Variants in SUGCT observed in about 807,000 individuals in gnomAD.
The protein encoded by SUGCT is succinyl-CoA:glutarate CoA-transferase.
Under a neutral mutation model 55.0 loss-of-function variants are expected in SUGCT, and 41 were observed. The ratio of observed to expected loss-of-function variants is 0.74; its 90% CI spans 0.58 to 0.97. SUGCT has a LOEUF of 0.97. Among genes scored for constraint, SUGCT ranks in the 50% least tolerant of loss-of-function variants. The probability of loss-of-function intolerance (pLI) is 0.00; values close to 1 mark genes in which losing one functional copy is unlikely to be tolerated. For synonymous variants in SUGCT, 187 were observed against 200.4 expected (o/e 0.93, Z 0.56); for missense variants, 568 against 547.8 (o/e 1.04, Z -0.37).
chr7:40,563,388 G>C lies in SUGCT; in HGVS notation c.1089+67002G>C, dbSNP rs113025969. Among the ~76,000 whole-genome samples, 1,479 of 152,238 alleles carry C rather than the reference G, an allele frequency of 9.7e-3. 30 individuals are homozygous for C. The highest frequency in any genetic ancestry group is 0.033 in the African/African-American group (1,371 of 41,550). On this transcript the variant is annotated intron_variant, in intron 12 of 13. Transcript: ENST00000335693. ...TCTTCGGTATTTGGTTTACGTGGTT[G>C]CCTTCTAGGAAATGCTAAAGAAAAG...
chr7:40,462,279 G>C (rs990926644), intron 11 of SUGCT, among the ~76,000 whole-genome samples: 4 of 152,098 alleles, frequency 2.6e-5, no homozygotes, highest in Non-Finnish European at 5.9e-5. Context: ...TGAATTCCAG[G>C]CAGAGTTTAT....
intron 12 of SUGCT, among the ~76,000 whole-genome samples, chr7:40,600,611 C>T (rs978354154): frequency 9.2e-5 from 14 of 152,054 alleles, no homozygotes; most frequent in African/African-American, 3.4e-4. Flanking sequence ...AAAATTGAAG[C>T]CTCAAATACC....
intron 12 of SUGCT, among the ~76,000 whole-genome samples, chr7:40,637,368 A>G (rs1035368196): frequency 1.3e-5 from 2 of 152,204 alleles, no homozygotes; most frequent in African/African-American, 4.8e-5. Flanking sequence ...CCTCCCCTGA[A>G]ACATTGAAAT....
Position 40,703,146 on chromosome 7 carries a change from A to G in SUGCT, c.1090-46288A>G, listed in dbSNP as rs1455739870. Reference sequence around the variant, plus strand: ...AGGGCGCGATCTCAGCTCACTGCAAACTCCGCCTCTCGGGTTCAAGTGATT... The same window carrying G: ...AGGGCGCGATCTCAGCTCACTGCAAGCTCCGCCTCTCGGGTTCAAGTGATT... On this transcript the variant is annotated intron_variant, in intron 12 of 13. Transcript: ENST00000335693. Among the ~76,000 whole-genome samples, 3 of 147,918 alleles carry G rather than the reference A, an allele frequency of 2.0e-5. No homozygotes were observed. In the East Asian group the frequency reaches 6.0e-4, roughly 30 times the overall value.
chr7:40,398,407 C>A (rs1350140398), intron 9 of SUGCT, among the ~76,000 whole-genome samples: 1 of 151,868 alleles, frequency 6.6e-6, no homozygotes, highest in Non-Finnish European at 1.5e-5. Context: ...TTCTCTATTT[C>A]TTGATAAGAC....
intron 12 of SUGCT, among the ~76,000 whole-genome samples, chr7:40,609,211 A>G (rs530414436): frequency 6.6e-6 from 1 of 152,268 alleles, no homozygotes; most frequent in African/African-American, 2.4e-5. Flanking sequence ...TGTGAAGATT[A>G]ACTTAGGTTC....
intron 13 of SUGCT, among the ~76,000 whole-genome samples, chr7:40,758,126 AG>A (rs1417565962): frequency 2.5e-3 from 378 of 152,224 alleles, no homozygotes; most frequent in African/African-American, 8.5e-3. Context: ...TTCAGCTAGG[AG>A]TGAGTTGCTT....
chr7:40,387,587 CT>C (rs1010171963), intron 9 of SUGCT, among the ~76,000 whole-genome samples: 1 of 152,068 alleles, frequency 6.6e-6, no homozygotes, highest in African/African-American at 2.4e-5. Flanking sequence ...TTGCTGAACC[CT>C]TTGGAGTGAT....
intron 11 of SUGCT, among the ~76,000 whole-genome samples, chr7:40,478,667 G>C (rs1790849009): frequency 6.6e-6 from 1 of 152,138 alleles, no homozygotes; most frequent in Admixed American, 6.6e-5. Context: ...GGTTAGCACT[G>C]TTTTTGTGTG....
chr7:40,226,384 A>G (rs1011720025), intron 6 of SUGCT, among the ~76,000 whole-genome samples: 1 of 152,164 alleles, frequency 6.6e-6, no homozygotes, highest in South Asian at 2.1e-4. Context: ...CAATAGAAAA[A>G]ATGAAGTGAA....
chr7:40,852,026 A>G (rs948717507), intron 13 of SUGCT, among the ~76,000 whole-genome samples: 7 of 152,234 alleles, frequency 4.6e-5, no homozygotes, highest in African/African-American at 1.7e-4. Context: ...GATTTTACAC[A>G]TGCTGGCCAA....
chr7:40,820,852 G>A (rs1791952070), intron 13 of SUGCT, among the ~76,000 whole-genome samples: 1 of 152,156 alleles, frequency 6.6e-6, no homozygotes, highest in Non-Finnish European at 1.5e-5. Context: ...AGTTTTCAAA[G>A]GGAATGCTTC....
chr7:40,942,577 C>T, the SUGCT span, among the ~76,000 whole-genome samples: 4 of 152,166 alleles, frequency 2.6e-5, no homozygotes, highest in African/African-American at 9.6e-5. Context: ...TAGGAGTTCT[C>T]TGAGCTTCTT....
chr7:40,159,574 T>C (rs1784052380), intron 1 of SUGCT, among the ~76,000 whole-genome samples: 1 of 151,950 alleles, frequency 6.6e-6, no homozygotes, highest in African/African-American at 2.4e-5. Flanking sequence ...ATTCACCATG[T>C]TGGCCAGGAT....
chr7:40,729,338 C>T (rs1468174336), intron 12 of SUGCT, among the ~76,000 whole-genome samples: 2 of 152,110 alleles, frequency 1.3e-5, no homozygotes, highest in Non-Finnish European at 2.9e-5. Flanking sequence ...GACTATATGT[C>T]CACAGATTAT....
At chr7:40,872,675 T>C in the SUGCT span, among the ~76,000 whole-genome samples, 1 of 152,158 alleles carries the variant, frequency 6.6e-6, no homozygotes. Flanking sequence ...ACACAGAGAA[T>C]GGAATAAGTG....
chr7:40,316,886 T>C, intron 9 of SUGCT, 31 bp downstream of exon 9: 1 of 1,214,806 alleles, frequency 8.2e-7, no homozygotes, highest in Non-Finnish European at 1.1e-6. Flanking sequence ...GGTTGGGCTG[T>C]TGTAATTTGC....
chr7:40,837,017 C>T (rs1344554914), intron 13 of SUGCT, among the ~76,000 whole-genome samples: 2 of 152,082 alleles, frequency 1.3e-5, no homozygotes, highest in Non-Finnish European at 2.9e-5. Context: ...TTGTCGTACT[C>T]TTTTCCAGAG....
At chr7:40,858,245 A>C (rs1794289842) in intron 13 of SUGCT, among the ~76,000 whole-genome samples, 2 of 152,016 alleles carry the variant, frequency 1.3e-5, no homozygotes, top group South Asian at 4.1e-4. Context: ...CTCTACTAAA[A>C]ATACAAAATT....
Sources: allele counts gnomAD v4.1 joint callset (sites outside exome capture counted in the v4.1 genomes callset), GRCh38; gene constraint gnomAD v4.1.1; transcripts MANE v1.5; gene names NCBI Gene and HGNC (gene_info 2026-07-23, HGNC 2026-07-21).